ANKS1B: variants seen among roughly 807,000 people sequenced by gnomAD.
ANKS1B encodes the protein ankyrin repeat and sterile alpha motif domain-containing protein 1B.
ANKS1B carries 36 observed loss-of-function variants against 148.3 expected under a neutral mutation model. That is an observed-to-expected ratio of 0.24 (90% confidence interval 0.19 to 0.32). The LOEUF is 0.32. ANKS1B is among the 10% of genes least tolerant of loss of function. ANKS1B has a pLI of 1.00. For synonymous variants in ANKS1B, 542 were observed against 560.8 expected, an observed-to-expected ratio of 0.97 and a Z score of 0.47; for missense variants, 1,157 against 1,542.6, an observed-to-expected ratio of 0.75 and a Z score of 4.19.
At chr12:99,571,303 A>G (rs1188378305) in intron 9 of ANKS1B, among the ~76,000 whole-genome samples, 1 of 152,096 alleles carries the variant, frequency 6.6e-6, no homozygotes, top group Non-Finnish European at 1.5e-5. Context: ...GGCTATGTAA[A>G]CTTTGGTCAA....
intron 9 of ANKS1B, among the ~76,000 whole-genome samples, chr12:99,652,073 GTA>G (rs146772425): frequency 6.7e-6 from 1 of 148,884 alleles, no homozygotes; most frequent in African/African-American, 2.5e-5. Flanking sequence ...GTTTACATGT[GTA>G]TATATATATA....
rs530912711 is a variant in ANKS1B, at chr12:99,908,938, T to C, written c.134+75166A>G. Reference sequence around the variant, plus strand: ...ATTGGATCTCTAGACATGCTGTACATTGGATCTCTAGACATTCATGCTACA... The same window carrying C: ...ATTGGATCTCTAGACATGCTGTACACTGGATCTCTAGACATTCATGCTACA... On this transcript the variant is annotated intron_variant, in intron 1 of 26. Transcript: ENST00000683438. 1.1e-3 allele frequency among the ~76,000 whole-genome samples: 164 copies of C among 152,274 alleles called. 2 individuals are homozygous for C. Among genetic ancestry groups the C allele is most frequent in the Non-Finnish European group, 7.2e-4 (49 of 68,024 alleles).
chr12:99,047,595 A>C (rs1057348404), intron 17 of ANKS1B, among the ~76,000 whole-genome samples: 1 of 152,198 alleles, frequency 6.6e-6, no homozygotes, highest in African/African-American at 2.4e-5. Context: ...GGGGGAAAAA[A>C]ACTGACCCAT....
chr12:99,515,829 T>G (rs568560341), intron 9 of ANKS1B, among the ~76,000 whole-genome samples: 1 of 152,168 alleles, frequency 6.6e-6, no homozygotes, highest in Non-Finnish European at 1.5e-5. Flanking sequence ...GCATTTGTTA[T>G]TGCCTGTCTT....
chr12:99,962,388 T>C (rs2095425003), intron 1 of ANKS1B, among the ~76,000 whole-genome samples: 1 of 152,214 alleles, frequency 6.6e-6, no homozygotes, highest in Non-Finnish European at 1.5e-5. Flanking sequence ...CATTCCTTTT[T>C]ATTTTATGGC....
chr12:99,779,994 A>G lies in ANKS1B; in HGVS notation c.746-22T>C, dbSNP rs548649827. 6 of 1,497,138 alleles carry G rather than the reference A, an allele frequency of 4.0e-6. No homozygotes were observed. The African/African-American group carries it at 6.9e-5, about 17-fold the overall frequency. 92.7% of individuals were successfully genotyped at this position (1,497,138 alleles called of 1,614,324 possible). A position where few individuals can be genotyped will look rare whatever the true frequency, so the allele number is the denominator to read the frequency against. On this transcript the variant is annotated intron_variant, in intron 5 of 26. Transcript: ENST00000683438. ...ATTCCTGAAAGAAAAAGAAAAACTC[A>G]CTAGATATACACCACTGAAGTATCC...
chr12:98,978,690 C>T (rs554248575), intron 17 of ANKS1B, among the ~76,000 whole-genome samples: 20 of 152,030 alleles, frequency 1.3e-4, no homozygotes, highest in African/African-American at 4.1e-4. Flanking sequence ...TAATGTATAA[C>T]GTGATCCTTA....
chr12:99,226,907 C>T (rs2086034392), intron 14 of ANKS1B, among the ~76,000 whole-genome samples: 1 of 152,118 alleles, frequency 6.6e-6, no homozygotes, highest in African/African-American at 2.4e-5. Context: ...GACGGCTAAA[C>T]AGAACTAGCA....
chr12:99,105,572 TC>T (rs11367539), intron 15 of ANKS1B, among the ~76,000 whole-genome samples: 86,136 of 151,334 alleles, frequency 0.57, 25,202 homozygotes, highest in East Asian at 0.74. Context: ...ATTGAGACCA[TC>T]CTGGCTAATA....
intron 12 of ANKS1B, among the ~76,000 whole-genome samples, chr12:99,286,095 C>T (rs541663432): frequency 4.5e-4 from 68 of 151,776 alleles, no homozygotes; most frequent in Middle Eastern, 6.8e-3. Context: ...AATGTTTGTG[C>T]CACCCCTCAG....
chr12:99,219,503 C>T (rs2084752641), intron 14 of ANKS1B, among the ~76,000 whole-genome samples: 1 of 152,216 alleles, frequency 6.6e-6, no homozygotes, highest in African/African-American at 2.4e-5. Context: ...ACAGACATGG[C>T]TCAGATTCAA....
chr12:98,803,695 G>A (rs555437000), intron 20 of ANKS1B, among the ~76,000 whole-genome samples: 2 of 152,284 alleles, frequency 1.3e-5, no homozygotes, highest in East Asian at 1.9e-4. Context: ...GCAGGGCCAG[G>A]GCTGGGAACA....
chr12:99,308,136 A>G (rs947886913), intron 12 of ANKS1B, among the ~76,000 whole-genome samples: 3 of 152,090 alleles, frequency 2.0e-5, no homozygotes, highest in African/African-American at 7.2e-5. Flanking sequence ...AGGTTTTAAA[A>G]AATGGATTTA....
chr12:99,591,762 T>C (rs1172152968), intron 9 of ANKS1B, among the ~76,000 whole-genome samples: 1 of 152,072 alleles, frequency 6.6e-6, no homozygotes, highest in Non-Finnish European at 1.5e-5. Context: ...TGATAGGGGC[T>C]CTCTTCGAGA....
At chr12:99,450,270 A>G (rs995796642) in intron 10 of ANKS1B, among the ~76,000 whole-genome samples, 8 of 152,206 alleles carry the variant, frequency 5.3e-5, no homozygotes, top group African/African-American at 1.2e-4. Context: ...AATAAGGCCA[A>G]TAACAGTAGG....
chr12:99,598,323 A>C (rs1374948348), intron 9 of ANKS1B, among the ~76,000 whole-genome samples: 1 of 152,088 alleles, frequency 6.6e-6, no homozygotes, highest in African/African-American at 2.4e-5. Context: ...CATAAATACA[A>C]TGAAAATACA....
chr12:99,033,253 A>C (rs2099953412), intron 17 of ANKS1B, among the ~76,000 whole-genome samples: 1 of 152,242 alleles, frequency 6.6e-6, no homozygotes, highest in South Asian at 2.1e-4. Flanking sequence ...CTTGACTCTT[A>C]TTAGCAGTTG....
At chr12:99,802,912 TA>T (rs11322453) in intron 4 of ANKS1B, among the ~76,000 whole-genome samples, 98,208 of 141,752 alleles carry the variant, frequency 0.69, 33,906 homozygotes, top group East Asian at 0.97. Flanking sequence ...ACCCTGCCTT[TA>T]AAAAAAAAAA....
intron 8 of ANKS1B, among the ~76,000 whole-genome samples, chr12:99,749,465 T>C (rs2060903997): frequency 6.6e-6 from 1 of 152,062 alleles, no homozygotes; most frequent in Admixed American, 6.6e-5. Context: ...CTAGGATCCA[T>C]AAAAGCCTAG....
Sources: gnomAD v4.1 joint callset for allele counts (sites outside exome capture counted in the v4.1 genomes callset) on GRCh38, gnomAD v4.1.1 for gene constraint, MANE v1.5 for transcripts, NCBI Gene and HGNC (gene_info 2026-07-23, HGNC 2026-07-21) for gene names.